HS3ST5: variants seen among roughly 807,000 people sequenced by gnomAD.
HS3ST5 encodes the protein heparan sulfate glucosamine 3-O-sulfotransferase 5.
HS3ST5 carries 10 observed loss-of-function variants against 25.4 expected under a neutral mutation model. The ratio of observed to expected loss-of-function variants is 0.39; its 90% CI spans 0.24 to 0.67. HS3ST5 has a LOEUF of 0.67. Ranked by LOEUF, HS3ST5 falls within the 30% of genes least tolerant of loss-of-function variation. The pLI is 0.44. For synonymous variants in HS3ST5, 170 were observed against 162.4 expected (o/e 1.05, Z -0.36); for missense variants, 324 against 420.7 (o/e 0.77, Z 2.01).
intron 3 of HS3ST5, among the ~76,000 whole-genome samples, chr6:114,124,690 G>T (rs1360553429): frequency 6.7e-6 from 1 of 148,716 alleles, no homozygotes; most frequent in African/African-American, 2.5e-5. Context: ...GATAACCAGA[G>T]GAAAAAAAAT....
chr6:114,264,942 C>T lies in HS3ST5; in HGVS notation c.-338-36164G>A, dbSNP rs570514572. Among the ~76,000 whole-genome samples, 54 of 152,260 alleles carry T rather than the reference C, an allele frequency of 3.5e-4. 1 individual carries two copies. In the South Asian group the frequency reaches 9.1e-3, roughly 26 times the overall value. ...TCACCCAGGCTGGAATGCGGTGACA[C>T]GATCATAGCTCACTGCAGCTTTGAA... On this transcript the variant is annotated intron_variant, in intron 1 of 4. Coordinates refer to ENST00000312719, the MANE Select transcript of HS3ST5 (RefSeq NM_153612.4).
chr6:114,062,717 A>G, intron 4 of HS3ST5, 22 bp downstream of exon 4: 1 of 1,475,134 alleles, frequency 6.8e-7, no homozygotes, highest in Non-Finnish European at 9.5e-7. Context: ...CAGGGGTATA[A>G]GCATGTGTTT....
intron 3 of HS3ST5, among the ~76,000 whole-genome samples, chr6:114,110,822 C>T (rs898558025): frequency 6.6e-6 from 1 of 152,106 alleles, no homozygotes; most frequent in Non-Finnish European, 1.5e-5. Flanking sequence ...AATGTAGTGG[C>T]TTCAATTAGT....
At chr6:114,093,490 A>G (rs1775252225) in intron 3 of HS3ST5, among the ~76,000 whole-genome samples, 1 of 150,448 alleles carries the variant, frequency 6.6e-6, no homozygotes, top group South Asian at 2.1e-4. Flanking sequence ...ATTGGTTTTG[A>G]CTTCTAGAAT....
At chr6:114,078,171 T>A (rs1404213452) in intron 3 of HS3ST5, among the ~76,000 whole-genome samples, 1 of 152,152 alleles carries the variant, frequency 6.6e-6, no homozygotes, top group Admixed American at 6.6e-5. Context: ...TAACCCACTG[T>A]TCACTTAAGA....
At chr6:114,274,058 C>T (rs1773746688) in intron 1 of HS3ST5, among the ~76,000 whole-genome samples, 3 of 151,688 alleles carry the variant, frequency 2.0e-5, no homozygotes, top group African/African-American at 4.8e-5. Flanking sequence ...GAGTAGTTCT[C>T]ATGGGTAAGT....
intron 3 of HS3ST5, among the ~76,000 whole-genome samples, chr6:114,114,997 C>T (rs973492707): frequency 7.2e-5 from 11 of 152,154 alleles, no homozygotes; most frequent in Middle Eastern, 3.4e-3. Flanking sequence ...TTTTCTGCAG[C>T]GACCAGAGTC....
chr6:114,267,126 T>C (rs906387457), intron 1 of HS3ST5, among the ~76,000 whole-genome samples: 3 of 152,074 alleles, frequency 2.0e-5, no homozygotes, highest in African/African-American at 7.2e-5. Flanking sequence ...TCAGGAGGTA[T>C]GGGAAAAAAA....
chr6:114,315,870 T>C (rs1473442772), intron 1 of HS3ST5, among the ~76,000 whole-genome samples: 1 of 152,102 alleles, frequency 6.6e-6, no homozygotes, highest in Non-Finnish European at 1.5e-5. Flanking sequence ...CCTTGCAGAG[T>C]GATATTCTTT....
chr6:114,159,854 T>C (rs78188618), intron 3 of HS3ST5, among the ~76,000 whole-genome samples: 1,895 of 152,268 alleles, frequency 0.012, 38 homozygotes, highest in African/African-American at 0.038. Context: ...CATAGATCAA[T>C]AAAAACAAAT....
chr6:114,098,050 G>A (rs943030097), intron 3 of HS3ST5, among the ~76,000 whole-genome samples: 1 of 151,892 alleles, frequency 6.6e-6, no homozygotes, highest in Non-Finnish European at 1.5e-5. Context: ...GAAAAGTGAG[G>A]GTGGCCCCAG....
intron 2 of HS3ST5, among the ~76,000 whole-genome samples, chr6:114,208,801 T>G (rs1198157515): frequency 6.6e-6 from 1 of 152,248 alleles, no homozygotes; most frequent in Non-Finnish European, 1.5e-5. Flanking sequence ...TAATGCCTGC[T>G]TTAACTAGTC....
At chr6:114,146,039 T>G (rs778845875) in intron 3 of HS3ST5, among the ~76,000 whole-genome samples, 22 of 152,130 alleles carry the variant, frequency 1.4e-4, no homozygotes, top group Non-Finnish European at 2.6e-4. Flanking sequence ...CTCATAATTT[T>G]CAATAGAAAA....
At position 114,056,480 on chromosome 6, in the gene HS3ST5, T is replaced by C. The variant is rs181852227; in HGVS notation, c.*777A>G. On this transcript the variant is annotated 3_prime_UTR_variant, in exon 5 of 5. Transcript: ENST00000312719. ...TGCACATAGAGTAATTTTAATCCAT[T>C]CCATTTTTAAATACCACAATAAATT... 22 of 152,194 alleles carry C rather than the reference T, an allele frequency of 1.4e-4. No individual in the cohort carries two copies. Among genetic ancestry groups the C allele is most frequent in the African/African-American group, 5.3e-4 (22 of 41,512 alleles). 9.4% of individuals were successfully genotyped at this position (152,194 alleles called of 1,614,324 possible). A position where few individuals can be genotyped will look rare whatever the true frequency, so the allele number is the denominator to read the frequency against.
chr6:114,300,532 G>A (rs933579210), intron 1 of HS3ST5, among the ~76,000 whole-genome samples: 1 of 152,130 alleles, frequency 6.6e-6, no homozygotes, highest in African/African-American at 2.4e-5. Context: ...AGAGAAATTT[G>A]AACCCTCATA....
intron 1 of HS3ST5, among the ~76,000 whole-genome samples, chr6:114,309,711 C>T (rs765685431): frequency 2.0e-5 from 3 of 151,992 alleles, no homozygotes; most frequent in Non-Finnish European, 2.9e-5. Context: ...CCAGCCTGGG[C>T]GACAGAGTGA....
At chr6:114,167,950 G>A (rs1309043272) in intron 3 of HS3ST5, among the ~76,000 whole-genome samples, 1 of 152,064 alleles carries the variant, frequency 6.6e-6, no homozygotes, top group Non-Finnish European at 1.5e-5. Flanking sequence ...GAGTAGTTGG[G>A]AAAGATATTT....
intron 3 of HS3ST5, among the ~76,000 whole-genome samples, chr6:114,068,065 A>G (rs1470324114): frequency 6.6e-6 from 1 of 152,250 alleles, no homozygotes; most frequent in Non-Finnish European, 1.5e-5. Flanking sequence ...TAATTATTTT[A>G]CAGAGAAAAA....
At chr6:114,233,015 C>G (rs916088186) in intron 1 of HS3ST5, among the ~76,000 whole-genome samples, 7 of 151,778 alleles carry the variant, frequency 4.6e-5, no homozygotes, top group African/African-American at 1.7e-4. Context: ...ATCATCTGAT[C>G]CCTGTCTAAC....
Sources: gnomAD v4.1 joint callset for allele counts (sites outside exome capture counted in the v4.1 genomes callset) on GRCh38, gnomAD v4.1.1 for gene constraint, MANE v1.5 for transcripts, NCBI Gene and HGNC (gene_info 2026-07-23, HGNC 2026-07-21) for gene names.